Variants in HMGCLL1 observed in about 807,000 individuals in gnomAD.
HMGCLL1 encodes 3-hydroxymethyl-3-methylglutaryl-CoA lyase, cytoplasmic.
HMGCLL1 carries 36 observed loss-of-function variants against 39.1 expected under a neutral mutation model. The observed-to-expected ratio is 0.92, with a 90% CI of 0.71 to 1.22. The LOEUF (loss-of-function observed/expected upper bound fraction) is 1.22. Ranked by LOEUF, HMGCLL1 falls within the 50% of genes most tolerant of loss-of-function variation. HMGCLL1 has a pLI of 0.00. For missense variants in HMGCLL1, 451 were observed against 416.5 expected, an observed-to-expected ratio of 1.08 and a Z score of -0.72; for synonymous variants, 149 against 144.0, an observed-to-expected ratio of 1.03 and a Z score of -0.25.
chr6:55,632,418 TATA>T, the HMGCLL1 span, among the ~76,000 whole-genome samples: 6 of 150,346 alleles, frequency 4.0e-5, no homozygotes, highest in Admixed American at 3.3e-4. Flanking sequence ...GATAATTTCT[TATA>T]ATTAATAATC....
At chr6:55,630,698 C>T in the HMGCLL1 span, among the ~76,000 whole-genome samples, 3 of 151,978 alleles carry the variant, frequency 2.0e-5, 1 homozygote, top group South Asian at 6.2e-4. Flanking sequence ...TCACTACTCT[C>T]CTGACAGTGA....
chr6:55,583,528 T>C (rs1772020519), upstream of HMGCLL1, among the ~76,000 whole-genome samples: 1 of 152,146 alleles, frequency 6.6e-6, no homozygotes, highest in Non-Finnish European at 1.5e-5. Context: ...CATGAACTCA[T>C]CCTTTTTTAT....
chr6:55,572,685 T>C (rs867803867), intron 1 of HMGCLL1, among the ~76,000 whole-genome samples: 1 of 152,178 alleles, frequency 6.6e-6, no homozygotes, highest in Admixed American at 6.5e-5. Context: ...TCAAGTAGTA[T>C]GGTAAATGAA....
At chr6:55,463,566 A>G (rs1764676352) in intron 7 of HMGCLL1, among the ~76,000 whole-genome samples, 1 of 152,302 alleles carries the variant, frequency 6.6e-6, no homozygotes, top group East Asian at 1.9e-4. Context: ...ATAAATTGTA[A>G]TACAACTGCT....
intron 7 of HMGCLL1, among the ~76,000 whole-genome samples, chr6:55,443,089 A>G (rs1163384749): frequency 2.8e-5 from 4 of 142,712 alleles, no homozygotes; most frequent in Non-Finnish European, 4.7e-5. Context: ...TAATCAAACC[A>G]GAATCATCTC....
chr6:55,543,585 T>G (rs1206734327), intron 1 of HMGCLL1, among the ~76,000 whole-genome samples: 1 of 67,692 alleles, frequency 1.5e-5, no homozygotes, highest in Non-Finnish European at 3.6e-5. Context: ...TTTATATATT[T>G]ATATATATAT....
At chr6:55,500,594 C>A (rs917932152) in intron 5 of HMGCLL1, among the ~76,000 whole-genome samples, 4 of 151,756 alleles carry the variant, frequency 2.6e-5, no homozygotes, top group African/African-American at 9.7e-5. Flanking sequence ...GCCATTCAAG[C>A]AGTTATGAGG....
intron 1 of HMGCLL1, among the ~76,000 whole-genome samples, chr6:55,553,670 C>T (rs377121034): frequency 1.3e-5 from 2 of 152,106 alleles, no homozygotes; most frequent in South Asian, 4.1e-4. Context: ...TGAGTTAATA[C>T]TTCATCAATG....
Position 55,579,132 on chromosome 6 carries a change from T to G in HMGCLL1, c.-77A>C, listed in dbSNP as rs1053971549. 1.1e-5 allele frequency: 13 copies of G among 1,133,052 alleles called. No individual in the cohort carries two copies. The highest frequency in any genetic ancestry group is 1.5e-5 in the African/African-American group (1 of 64,968). The allele number at this position is 1,133,052 out of a possible 1,614,324, so 70.2% of individuals were successfully genotyped here. On this transcript the variant is annotated 5_prime_UTR_variant, in exon 1 of 9. Transcript: ENST00000274901. ...AGGGGCGGGCACCGCGCTGGGAAAC[T>G]GCGCCAGCTCGGGAGCGCGCCCCTC...
chr6:55,579,069 G>A lies in HMGCLL1; in HGVS notation c.-14C>T. ...CACATTCCCCATGGCGGAGCCTGGG[G>A]CGGCAGTCGGCGAGGGGAGGGAGAC... is the stretch of plus-strand genomic sequence containing the variant. On this transcript the variant is annotated 5_prime_UTR_variant, in exon 1 of 9. Transcript: ENST00000274901. 6.3e-7 allele frequency: 1 copy of A among 1,589,238 alleles called. No individual in the cohort carries two copies. Among genetic ancestry groups the A allele is most frequent in the Non-Finnish European group, 8.6e-7 (1 of 1,163,160 alleles).
At chr6:55,665,212 A>G in the HMGCLL1 span, among the ~76,000 whole-genome samples, 24 of 151,708 alleles carry the variant, frequency 1.6e-4, no homozygotes, top group African/African-American at 5.8e-4. Context: ...AAATTTTGAA[A>G]TTATCTTCAG....
At chr6:55,436,721 C>T (rs1763386056) in intron 8 of HMGCLL1, among the ~76,000 whole-genome samples, 2 of 151,912 alleles carry the variant, frequency 1.3e-5, no homozygotes, top group Admixed American at 1.3e-4. Flanking sequence ...AGTATAAAAA[C>T]TCATAGGGGC....
intron 7 of HMGCLL1, among the ~76,000 whole-genome samples, chr6:55,451,115 A>C (rs1355175750): frequency 6.6e-6 from 1 of 152,150 alleles, no homozygotes; most frequent in Non-Finnish European, 1.5e-5. Flanking sequence ...TATGGGGAAG[A>C]GAAGTAGGAA....
At chr6:55,601,293 G>T in the HMGCLL1 span, among the ~76,000 whole-genome samples, 1 of 152,142 alleles carries the variant, frequency 6.6e-6, no homozygotes, top group Admixed American at 6.6e-5. Context: ...GGGACCAGCT[G>T]TTCAGGAATG....
intron 3 of HMGCLL1, among the ~76,000 whole-genome samples, chr6:55,520,246 TAATAAATA>T (rs34163936): frequency 0.6 from 86,476 of 143,752 alleles, 26,165 homozygotes; most frequent in Admixed American, 0.66. Flanking sequence ...TAAAGTATAA[TAATAAATA>T]AATAAATAAA....
intron 7 of HMGCLL1, among the ~76,000 whole-genome samples, chr6:55,446,655 G>A (rs534311857): frequency 8.7e-4 from 132 of 152,022 alleles, no homozygotes; most frequent in African/African-American, 3.0e-3. Flanking sequence ...TGTTCTAATG[G>A]TCTGATGTTG....
At chr6:55,582,306 A>T (rs1273155862), upstream of HMGCLL1, among the ~76,000 whole-genome samples, 1 of 152,218 alleles carries the variant, frequency 6.6e-6, no homozygotes, top group East Asian at 1.9e-4. Context: ...GGCATGTTGT[A>T]GGCAGCCAGC....
chr6:55,547,987 T>G (rs909464492), intron 1 of HMGCLL1, among the ~76,000 whole-genome samples: 1 of 152,056 alleles, frequency 6.6e-6, no homozygotes, highest in South Asian at 2.1e-4. Context: ...ACAAAGCTGA[T>G]AGTGAAACTG....
At chr6:55,516,688 C>T in intron 3 of HMGCLL1, 85 bp from the exon 4 acceptor site, 2 of 812,280 alleles carry the variant, frequency 2.5e-6, no homozygotes, top group South Asian at 1.9e-5. Context: ...GTTATAGTTA[C>T]ATGGACAGTT....
Sources: allele counts gnomAD v4.1 joint callset (sites outside exome capture counted in the v4.1 genomes callset), GRCh38; gene constraint gnomAD v4.1.1; transcripts MANE v1.5; gene names NCBI Gene and HGNC (gene_info 2026-07-23, HGNC 2026-07-21).